The following ZNF618 variants were observed in gnomAD, a reference collection of about 807,000 sequenced individuals.
ZNF618 encodes zinc finger protein 618.
ZNF618 carries 34 observed loss-of-function variants against 103.0 expected under a neutral mutation model. The ratio of observed to expected loss-of-function variants is 0.33; its 90% CI spans 0.25 to 0.44. ZNF618 has a LOEUF of 0.44. Ranked by LOEUF, ZNF618 falls within the 20% of genes least tolerant of loss-of-function variation. The pLI, the probability that ZNF618 is intolerant of heterozygous loss-of-function variation, is 1.00. For missense variants in ZNF618, 1,059 were observed against 1,295.4 expected (o/e 0.82, Z 2.80); for synonymous variants, 551 against 542.2 (o/e 1.02, Z -0.23).
chr9:114,031,132 C>T (rs1843990314), intron 11 of ZNF618, among the ~76,000 whole-genome samples: 1 of 151,994 alleles, frequency 6.6e-6, no homozygotes, highest in Admixed American at 6.5e-5. Context: ...AATGACAGTG[C>T]AGCCCTCACA....
intron 6 of ZNF618, 102 bp downstream of exon 6, chr9:114,002,764 T>A: frequency 7.4e-7 from 1 of 1,354,200 alleles, no homozygotes; most frequent in Non-Finnish European, 1.0e-6. Context: ...CCAGGTGGCC[T>A]CTGAGAGACA....
chr9:113,983,487 G>A (rs756177890), intron 2 of ZNF618, among the ~76,000 whole-genome samples: 12 of 152,208 alleles, frequency 7.9e-5, no homozygotes, highest in Non-Finnish European at 1.5e-4. Flanking sequence ...GTGCTGTTGT[G>A]CCCGTGGGTG....
intron 1 of ZNF618, among the ~76,000 whole-genome samples, chr9:113,902,239 C>T (rs760786219): frequency 9.9e-5 from 15 of 152,140 alleles, no homozygotes; most frequent in Non-Finnish European, 2.1e-4. Flanking sequence ...ATTGCAGGGT[C>T]AGGGGCTGGT....
At chr9:113,927,361 C>T (rs989455585) in intron 1 of ZNF618, among the ~76,000 whole-genome samples, 1 of 152,176 alleles carries the variant, frequency 6.6e-6, no homozygotes, top group African/African-American at 2.4e-5. Flanking sequence ...TTTTGTCTCA[C>T]CTGTTGTCTT....
At chr9:113,922,427 T>C (rs1832725847) in intron 1 of ZNF618, among the ~76,000 whole-genome samples, 1 of 151,260 alleles carries the variant, frequency 6.6e-6, no homozygotes, top group Non-Finnish European at 1.5e-5. Flanking sequence ...TGTCCTAAGT[T>C]ATGTACACTG....
chr9:113,938,569 T>C (rs10982010), intron 1 of ZNF618, among the ~76,000 whole-genome samples: 419 of 41,178 alleles, frequency 0.01, 19 homozygotes, highest in Non-Finnish European at 0.011. Context: ...ATTTTCTTTT[T>C]TTCTTTTTTT....
Position 113,985,787 on chromosome 9 carries a change from C to T in ZNF618, c.78-2534C>T, listed in dbSNP as rs567178921. 2.0e-5 allele frequency among the ~76,000 whole-genome samples: 3 copies of T among 152,288 alleles called. No individual in the cohort carries two copies. In the East Asian group the frequency reaches 5.8e-4, roughly 29 times the overall value. ...CGTACCACCCACATGACTTTGGGTA[C>T]GTTATTTCACCTCTCAGTGCCACAG... On this transcript the variant is annotated intron_variant, in intron 2 of 14. Transcript: ENST00000374126.
At chr9:113,980,262 C>T (rs1271535911) in intron 2 of ZNF618, among the ~76,000 whole-genome samples, 1 of 151,988 alleles carries the variant, frequency 6.6e-6, no homozygotes, top group Non-Finnish European at 1.5e-5. Context: ...GAATTGTTTT[C>T]CTCTCTTGGG....
chr9:114,044,649 A>G (rs1205072156), intron 13 of ZNF618, among the ~76,000 whole-genome samples: 1 of 152,112 alleles, frequency 6.6e-6, no homozygotes, highest in African/African-American at 2.4e-5. Flanking sequence ...CATTTTCACA[A>G]TATTGATTCT....
intron 9 of ZNF618, among the ~76,000 whole-genome samples, chr9:114,013,711 G>A (rs541128975): frequency 7.2e-5 from 11 of 152,188 alleles, no homozygotes; most frequent in Non-Finnish European, 1.6e-4. Context: ...GATTACAGGC[G>A]TGAGCCACCA....
intron 10 of ZNF618, among the ~76,000 whole-genome samples, chr9:114,019,997 A>G (rs896613202): frequency 1.3e-5 from 2 of 152,116 alleles, no homozygotes; most frequent in Admixed American, 1.3e-4. Context: ...TATGTCTGTG[A>G]TATATTTCAA....
At chr9:113,906,110 T>C (rs1051605072) in intron 1 of ZNF618, among the ~76,000 whole-genome samples, 8 of 152,302 alleles carry the variant, frequency 5.3e-5, no homozygotes, top group African/African-American at 1.9e-4. Flanking sequence ...GTATCAGTAT[T>C]ATTTTGCATT....
chr9:114,016,243 G>A (rs940627901), intron 9 of ZNF618: 2 of 1,437,498 alleles, frequency 1.4e-6, no homozygotes, highest in African/African-American at 1.4e-5. Context: ...GGGGTGCTTG[G>A]GGGCAGGGAA....
chr9:113,987,031 TTC>T (rs1341530960), intron 2 of ZNF618, among the ~76,000 whole-genome samples: 4 of 152,172 alleles, frequency 2.6e-5, no homozygotes, highest in African/African-American at 7.2e-5. Context: ...AATGCTGGCA[TTC>T]TCTGTTTTGA....
intron 9 of ZNF618, among the ~76,000 whole-genome samples, chr9:114,012,971 G>A (rs1842379871): frequency 6.8e-6 from 1 of 147,922 alleles, no homozygotes; most frequent in Non-Finnish European, 1.5e-5. Context: ...ATAGATCTCA[G>A]TGACTTTTTA....
intron 1 of ZNF618, among the ~76,000 whole-genome samples, chr9:113,878,039 C>T (rs972450375): frequency 6.6e-5 from 10 of 150,766 alleles, no homozygotes; most frequent in Non-Finnish European, 1.0e-4. Context: ...AAATTTATTA[C>T]TTAAAAAAAA....
At position 113,951,482 on chromosome 9, in the gene ZNF618, CAT is replaced by C. The variant is rs1185395803; in HGVS notation, c.34-17630_34-17629del. Among the ~76,000 whole-genome samples the C allele has an allele frequency of 1.4e-3, 42 of 30,732 alleles. 4 individuals are homozygous for C. The highest frequency in any genetic ancestry group is 1.9e-3 in the Non-Finnish European group (23 of 12,370). 20.2% of individuals were successfully genotyped at this position (30,732 alleles called of 152,430 possible). A position where few individuals can be genotyped will look rare whatever the true frequency, so the allele number is the denominator to read the frequency against. On this transcript the variant is annotated intron_variant, in intron 1 of 14. Transcript: ENST00000374126. ...ATACATATATGTGTGTATGTGTACACATATATGTGTGTATGTGTACACATATA... is the reference window on the plus strand; with the variant it reads ...ATACATATATGTGTGTATGTGTACACATATGTGTGTATGTGTACACATATA...
intron 1 of ZNF618, among the ~76,000 whole-genome samples, chr9:113,939,402 A>C (rs1834346421): frequency 6.6e-6 from 1 of 152,104 alleles, no homozygotes; most frequent in African/African-American, 2.4e-5. Flanking sequence ...ATTTGCTAAC[A>C]TTTATATAGG....
chr9:114,049,153 G>A lies in ZNF618; in HGVS notation c.1851G>A (p.Thr617=), dbSNP rs150142900. Residue 617 remains threonine (T), a synonymous_variant, in exon 15 of 15, where the codon ACG becomes ACA. Coordinates refer to ENST00000374126, the MANE Select transcript of ZNF618 (RefSeq NM_001318042.2). ...CGGAGATCAGGACAGTGTACGTGAC[G>A]GATTGCCGGGTGAGCACGTCCGCCT... ...VMSEIRTVYV[T]DCRVSTSAFS... 6 of 1,613,844 alleles carry A rather than the reference G, an allele frequency of 3.7e-6. No homozygotes were observed. In the African/African-American group the frequency reaches 4.0e-5, roughly 11 times the overall value.
Sources: gnomAD v4.1 joint callset for allele counts (sites outside exome capture counted in the v4.1 genomes callset) on GRCh38, gnomAD v4.1.1 for gene constraint, MANE v1.5 for transcripts, NCBI Gene and HGNC (gene_info 2026-07-23, HGNC 2026-07-21) for gene names.